The following SAMD5 variants were observed in gnomAD, a reference collection of about 807,000 sequenced individuals.
SAMD5 encodes sterile alpha motif domain containing 5.
In SAMD5, 13 loss-of-function variants were observed where a neutral mutation model predicts 11.3. The observed-to-expected ratio is 1.15, with a 90% CI of 0.75 to 1.83. The LOEUF (loss-of-function observed/expected upper bound fraction) is 1.83, where lower values mean the gene tolerates loss of function less well. Ranked by LOEUF, SAMD5 falls within the 40% of genes most tolerant of loss-of-function variation. The pLI is 0.00. For missense variants in SAMD5, 255 were observed against 239.1 expected, an observed-to-expected ratio of 1.07 and a Z score of -0.44; for synonymous variants, 129 against 111.3, an observed-to-expected ratio of 1.16 and a Z score of -1.00.
intron 1 of SAMD5, among the ~76,000 whole-genome samples, chr6:147,695,335 C>T (rs1367396289): frequency 6.6e-6 from 1 of 151,788 alleles, no homozygotes; most frequent in African/African-American, 2.4e-5. Flanking sequence ...TTCCATAAAA[C>T]CCTCTAAAAA....
chr6:147,869,168 G>T, the SAMD5 span, among the ~76,000 whole-genome samples: 1 of 152,200 alleles, frequency 6.6e-6, no homozygotes, highest in Non-Finnish European at 1.5e-5. Flanking sequence ...AATAATATGT[G>T]AATCAGTTAC....
the SAMD5 span, among the ~76,000 whole-genome samples, chr6:147,923,046 A>G: frequency 2.6e-5 from 4 of 152,260 alleles, no homozygotes; most frequent in African/African-American, 9.6e-5. Context: ...GTTAAATCAC[A>G]GAGTAACGAT....
chr6:147,751,135 C>G, the SAMD5 span, among the ~76,000 whole-genome samples: 1 of 152,080 alleles, frequency 6.6e-6, no homozygotes, highest in Non-Finnish European at 1.5e-5. Context: ...TTTGCACTGG[C>G]TATTTCTTCT....
At chr6:147,909,908 C>T in the SAMD5 span, among the ~76,000 whole-genome samples, 1 of 152,062 alleles carries the variant, frequency 6.6e-6, no homozygotes, top group African/African-American at 2.4e-5. Flanking sequence ...ACCCCAGGAA[C>T]TTTGTCAGGT....
chr6:147,898,388 T>C, the SAMD5 span, among the ~76,000 whole-genome samples: 2 of 152,182 alleles, frequency 1.3e-5, no homozygotes, highest in African/African-American at 4.8e-5. Flanking sequence ...TTTATGATAG[T>C]CACTTATTTA....
At chr6:147,884,373 C>G in the SAMD5 span, among the ~76,000 whole-genome samples, 1 of 152,158 alleles carries the variant, frequency 6.6e-6, no homozygotes, top group Non-Finnish European at 1.5e-5. Context: ...AGGTTGATTT[C>G]CCGGGACACC....
At chr6:147,749,460 G>T in the SAMD5 span, among the ~76,000 whole-genome samples, 1 of 152,182 alleles carries the variant, frequency 6.6e-6, no homozygotes, top group Non-Finnish European at 1.5e-5. Flanking sequence ...GAGCCGCTGT[G>T]CCCAACCTGT....
chr6:147,948,113 C>A, the SAMD5 span, among the ~76,000 whole-genome samples: 8 of 151,974 alleles, frequency 5.3e-5, no homozygotes, highest in African/African-American at 1.9e-4. Context: ...ACAAATATGT[C>A]CCTAAATTTC....
downstream of SAMD5, among the ~76,000 whole-genome samples, chr6:147,574,663 C>T (rs1480462326): frequency 1.3e-5 from 2 of 152,156 alleles, no homozygotes; most frequent in African/African-American, 4.8e-5. Flanking sequence ...AAGATGCCAG[C>T]AGGTTGGGTT....
chr6:147,796,614 G>A, the SAMD5 span, among the ~76,000 whole-genome samples: 3 of 152,258 alleles, frequency 2.0e-5, no homozygotes, highest in South Asian at 2.1e-4. Flanking sequence ...AAAGTCATTG[G>A]TAGCTTGATG....
chr6:147,694,429 TG>T (rs1186270675), intron 1 of SAMD5, among the ~76,000 whole-genome samples: 3 of 152,166 alleles, frequency 2.0e-5, no homozygotes, highest in Non-Finnish European at 4.4e-5. Context: ...TCATGGGATG[TG>T]ATAGGTTGGT....
chr6:147,878,704 T>C, the SAMD5 span, among the ~76,000 whole-genome samples: 1 of 151,208 alleles, frequency 6.6e-6, no homozygotes, highest in African/African-American at 2.4e-5. Context: ...TATAGATATA[T>C]CTAGCATATA....
intron 1 of SAMD5, 43 bp from the exon 2 acceptor site, chr6:147,564,347 ATGGG>A (rs754207892): frequency 5.2e-6 from 4 of 776,094 alleles, no homozygotes; most frequent in Non-Finnish European, 9.6e-6. Flanking sequence ...TAGGGGAAGA[ATGGG>A]TAAAGGAGAA....
chr6:147,867,465 T>G, the SAMD5 span, among the ~76,000 whole-genome samples: 1 of 152,098 alleles, frequency 6.6e-6, no homozygotes, highest in Non-Finnish European at 1.5e-5. Flanking sequence ...AAAATGCCTT[T>G]TAAAGAAGTT....
At chr6:147,571,110 C>A (rs1789132039), downstream of SAMD5, among the ~76,000 whole-genome samples, 1 of 152,192 alleles carries the variant, frequency 6.6e-6, no homozygotes, top group South Asian at 2.1e-4. Context: ...TCTGCAGGGG[C>A]CAGCATTGTG....
intron 1 of SAMD5, among the ~76,000 whole-genome samples, chr6:147,564,004 A>G (rs775861429): frequency 7.9e-5 from 12 of 152,212 alleles, no homozygotes; most frequent in Non-Finnish European, 1.8e-4. Flanking sequence ...ATGTCTCACA[A>G]TGTATTGACT....
chr6:147,911,939 A>C, the SAMD5 span, among the ~76,000 whole-genome samples: 1 of 152,168 alleles, frequency 6.6e-6, no homozygotes, highest in South Asian at 2.1e-4. Context: ...TAACTAGACC[A>C]TATGTCTCTA....
At chr6:147,584,905 G>A (rs372164284) in intron 1 of SAMD5, among the ~76,000 whole-genome samples, 21 of 152,294 alleles carry the variant, frequency 1.4e-4, no homozygotes, top group African/African-American at 4.6e-4. Flanking sequence ...AAAATCTGTT[G>A]ATTTTGCAAA....
At chr6:147,831,779 G>A in the SAMD5 span, among the ~76,000 whole-genome samples, 1 of 152,064 alleles carries the variant, frequency 6.6e-6, no homozygotes, top group South Asian at 2.1e-4. Flanking sequence ...TTTCTCAGCT[G>A]AATTTTTTTT....
Sources: allele counts gnomAD v4.1 joint callset (sites outside exome capture counted in the v4.1 genomes callset), GRCh38; gene constraint gnomAD v4.1.1; transcripts MANE v1.5; gene names NCBI Gene and HGNC (gene_info 2026-07-23, HGNC 2026-07-21).